MIPOL1: variants seen among roughly 807,000 people sequenced by gnomAD.
The protein encoded by MIPOL1 is mirror-image polydactyly gene 1 protein.
In MIPOL1, 57 loss-of-function variants were observed where a neutral mutation model predicts 60.9. The ratio of observed to expected loss-of-function variants is 0.94; its 90% CI spans 0.76 to 1.17. The LOEUF is 1.17. MIPOL1 is among the 50% of genes most tolerant of loss of function. The pLI is 0.00. For missense variants in MIPOL1, 551 were observed against 511.6 expected, an observed-to-expected ratio of 1.08 and a Z score of -0.74; for synonymous variants, 179 against 168.8, an observed-to-expected ratio of 1.06 and a Z score of -0.47.
In MIPOL1 at chr14:37,223,565, C is replaced by T. The variant is rs183946918; in HGVS notation, c.-198-23538C>T. 3.5e-3 allele frequency among the ~76,000 whole-genome samples: 525 copies of T among 151,520 alleles called. 3 individuals carry two copies. The highest frequency in any genetic ancestry group is 0.011 in the African/African-American group (437 of 41,312). ...TTGCCCAGGCTGGAGTGCAATGGCG[C>T]GATCTCGGCTCACTGCAACCTCTGT... On this transcript the variant is annotated intron_variant, in intron 1 of 12. Coordinates refer to ENST00000684589, the MANE Select transcript of MIPOL1 (RefSeq NM_001388067.1).
In MIPOL1 at chr14:37,420,597, T is replaced by C. The variant is rs1055993399; in HGVS notation, c.937-2258T>C. Among the ~76,000 whole-genome samples, 38 of 152,164 alleles carry C rather than the reference T, an allele frequency of 2.5e-4. 2 individuals are homozygous for C. Among genetic ancestry groups the C allele is most frequent in the Admixed American group, 2.4e-3 (37 of 15,270 alleles). ...TTAAATTGGTTGAGTGTTTCAACAA[T>C]GCATGCAACAGATACCCAACTCAGA... On this transcript the variant is annotated intron_variant, in intron 10 of 12. Transcript: ENST00000684589.
chr14:37,536,058 C>A (rs1184222025), intron 12 of MIPOL1, among the ~76,000 whole-genome samples: 2 of 152,042 alleles, frequency 1.3e-5, no homozygotes, highest in Non-Finnish European at 2.9e-5. Flanking sequence ...GCATGCACCA[C>A]CATACCTGGC....
intron 9 of MIPOL1, among the ~76,000 whole-genome samples, chr14:37,351,292 T>A (rs1328885509): frequency 1.2e-3 from 179 of 145,010 alleles, no homozygotes; most frequent in African/African-American, 4.2e-3. Flanking sequence ...CCACATTTTC[T>A]TAATCCAGTC....
chr14:37,232,641 C>A (rs1490023693), intron 1 of MIPOL1, among the ~76,000 whole-genome samples: 1 of 152,160 alleles, frequency 6.6e-6, no homozygotes, highest in African/African-American at 2.4e-5. Context: ...TCTTCTCTTT[C>A]AGCAATACTT....
chr14:37,418,720 A>G (rs988837892), intron 10 of MIPOL1, among the ~76,000 whole-genome samples: 2 of 152,124 alleles, frequency 1.3e-5, no homozygotes, highest in Non-Finnish European at 2.9e-5. Flanking sequence ...TAGGGATAAT[A>G]GGAACTACCT....
At chr14:37,492,022 A>G (rs2095054368) in intron 11 of MIPOL1, among the ~76,000 whole-genome samples, 1 of 152,176 alleles carries the variant, frequency 6.6e-6, no homozygotes, top group Non-Finnish European at 1.5e-5. Flanking sequence ...TCAATTAAAA[A>G]TAATATTTAA....
intron 10 of MIPOL1, chr14:37,401,052 T>C (rs958992324): frequency 2.0e-5 from 3 of 152,052 alleles, no homozygotes; most frequent in Non-Finnish European, 4.4e-5. Flanking sequence ...AAAATGACCA[T>C]TGGTTAAAAA....
Position 37,426,570 on chromosome 14 carries a change from CATAT to C in MIPOL1, c.1031+3643_1031+3646del, listed in dbSNP as rs68123796. On this transcript the variant is annotated intron_variant, in intron 11 of 12. Transcript: ENST00000684589. The stretch of plus-strand genomic sequence containing the variant: ...GAGTGAAACTCTGTCTCAAAATATA[CATAT>C]ATATATATATATATATATATACACA... 9.0e-3 allele frequency among the ~76,000 whole-genome samples: 773 copies of C among 85,466 alleles called. 23 individuals carry two copies. Among genetic ancestry groups the C allele is most frequent in the African/African-American group, 0.027 (602 of 21,908 alleles). The allele number at this position is 85,466 out of a possible 152,430, so 56.1% of individuals were successfully genotyped here. A position where few individuals can be genotyped will look rare whatever the true frequency, so the allele number is the denominator to read the frequency against.
intron 1 of MIPOL1, among the ~76,000 whole-genome samples, chr14:37,220,393 G>A (rs1968548333): frequency 6.6e-6 from 1 of 152,076 alleles, no homozygotes; most frequent in Admixed American, 6.6e-5. Flanking sequence ...AGCATGTCTT[G>A]AAAGTAATTA....
intron 7 of MIPOL1, among the ~76,000 whole-genome samples, 155 bp from the exon 8 acceptor site, chr14:37,307,901 C>T (rs779901566): frequency 1.4e-4 from 21 of 151,948 alleles, no homozygotes; most frequent in Non-Finnish European, 2.9e-4. Flanking sequence ...AAGATGGAGT[C>T]GAGCAGGTGG....
Position 37,291,914 on chromosome 14 carries a change from ATTTTTTTTTTTTT to A in MIPOL1, c.623+6483_623+6495del, listed in dbSNP as rs57230205. On this transcript the variant is annotated intron_variant, in intron 7 of 12. Transcript: ENST00000684589. ...ACTATTACATATTACAATGGCAATA[ATTTTTTTTTTTTT>A]TTTTTTTTTTTTTTTAGAGAAGGAG... Among the ~76,000 whole-genome samples, 3 of 92,978 alleles carry A rather than the reference ATTTTTTTTTTTTT, an allele frequency of 3.2e-5. No individual in the cohort carries two copies. In the South Asian group the frequency reaches 1.2e-3, roughly 36 times the overall value. 61.0% of individuals were successfully genotyped at this position (92,978 alleles called of 152,430 possible).
intron 1 of MIPOL1, among the ~76,000 whole-genome samples, chr14:37,223,931 A>G (rs1295538455): frequency 6.6e-6 from 1 of 152,202 alleles, no homozygotes; most frequent in East Asian, 1.9e-4. Flanking sequence ...CCTTCTTTTT[A>G]AAGTCCTTCC....
chr14:37,241,472 C>G (rs1411977658), intron 1 of MIPOL1, among the ~76,000 whole-genome samples: 1 of 151,482 alleles, frequency 6.6e-6, no homozygotes, highest in Admixed American at 6.6e-5. Flanking sequence ...AATCCCAGCA[C>G]TTTGGGAGGC....
At chr14:37,426,049 G>C (rs1239505706) in intron 11 of MIPOL1, among the ~76,000 whole-genome samples, 1 of 152,046 alleles carries the variant, frequency 6.6e-6, no homozygotes, top group African/African-American at 2.4e-5. Flanking sequence ...AAGGATTTTT[G>C]TTTTTGAAAA....
chr14:37,351,380 T>G (rs1247789126), intron 9 of MIPOL1, among the ~76,000 whole-genome samples: 3 of 148,088 alleles, frequency 2.0e-5, no homozygotes, highest in African/African-American at 7.4e-5. Flanking sequence ...CGTGTGCATG[T>G]GTCTTTATAG....
intron 11 of MIPOL1, among the ~76,000 whole-genome samples, chr14:37,487,394 A>G (rs1005629318): frequency 6.6e-6 from 1 of 152,166 alleles, no homozygotes. Context: ...GTTCTTTGCA[A>G]TAGTTTCAGA....
At chr14:37,200,547 GT>G (rs1566963041) in intron 1 of MIPOL1, among the ~76,000 whole-genome samples, 11 of 152,086 alleles carry the variant, frequency 7.2e-5, no homozygotes, top group Admixed American at 7.2e-4. Flanking sequence ...TTGTTTGGTG[GT>G]TTCTGATTGA....
rs79850625 is a variant in MIPOL1, at chr14:37,329,065, T to C, written c.828+20546T>C. On this transcript the variant is annotated intron_variant, in intron 9 of 12. Coordinates refer to ENST00000684589, the MANE Select transcript of MIPOL1 (RefSeq NM_001388067.1). ...AAAATTATACTTTGTTTTTTTTTATTATACTTTAAGTTTTAGGGTACAAAA... is the reference window on the plus strand; with the variant it reads ...AAAATTATACTTTGTTTTTTTTTATCATACTTTAAGTTTTAGGGTACAAAA... Among the ~76,000 whole-genome samples, 465 of 152,220 alleles carry C rather than the reference T, an allele frequency of 3.1e-3. 3 individuals are homozygous for C. Among genetic ancestry groups the C allele is most frequent in the African/African-American group, 9.6e-3 (398 of 41,520 alleles).
At position 37,302,644 on chromosome 14, in the gene MIPOL1, T is replaced by C. The variant is rs1261231016; in HGVS notation, c.624-5412T>C. ...TAACATTAAAAAATCTTTTTTTTTT[T>C]TTTTGCTTATGGACATTCTTATATT... On this transcript the variant is annotated intron_variant, in intron 7 of 12. Coordinates refer to ENST00000684589, the MANE Select transcript of MIPOL1 (RefSeq NM_001388067.1). Among the ~76,000 whole-genome samples, 9 of 151,668 alleles carry C rather than the reference T, an allele frequency of 5.9e-5. No individual in the cohort carries two copies. The East Asian group carries it at 1.4e-3, about 23-fold the overall frequency.
Sources: allele counts gnomAD v4.1 joint callset (sites outside exome capture counted in the v4.1 genomes callset), GRCh38; gene constraint gnomAD v4.1.1; transcripts MANE v1.5; gene names NCBI Gene and HGNC (gene_info 2026-07-23, HGNC 2026-07-21).